Variants in KCNIP4 observed in about 807,000 individuals in gnomAD.
KCNIP4 encodes potassium voltage-gated channel interacting protein 4.
In KCNIP4, 12 loss-of-function variants were observed where a neutral mutation model predicts 34.0. The observed-to-expected ratio is 0.35, with a 90% confidence interval of 0.23 to 0.57. KCNIP4 has a LOEUF of 0.57. Among genes scored for constraint, KCNIP4 ranks in the 20% least tolerant of loss-of-function variants. The pLI, the probability that KCNIP4 is intolerant of heterozygous loss-of-function variation, is 0.83. For synonymous variants in KCNIP4, 124 were observed against 102.2 expected, an observed-to-expected ratio of 1.21 and a Z score of -1.29; for missense variants, 238 against 311.7, an observed-to-expected ratio of 0.76 and a Z score of 1.78.
At chr4:21,913,036 A>G (rs1728428484) in intron 1 of KCNIP4, among the ~76,000 whole-genome samples, 1 of 152,022 alleles carries the variant, frequency 6.6e-6, no homozygotes, top group Non-Finnish European at 1.5e-5. Context: ...TCATTTAGCA[A>G]AAACAATCAC....
chr4:21,337,453 G>A lies in KCNIP4; in HGVS notation c.62-454744C>T, dbSNP rs145125490. Among the ~76,000 whole-genome samples, 9 of 152,266 alleles carry A rather than the reference G, an allele frequency of 5.9e-5. No homozygotes were observed. In the East Asian group the frequency reaches 1.5e-3, roughly 26 times the overall value. On this transcript the variant is annotated intron_variant, in intron 1 of 8. Transcript: ENST00000382152. ...ATGGAAAGAAGCATTGCAGAAAAAAGAATGGAGTCTCCTTGCGTGCAAGCT... is the reference window on the plus strand; with the variant it reads ...ATGGAAAGAAGCATTGCAGAAAAAAAAATGGAGTCTCCTTGCGTGCAAGCT...
At chr4:21,496,834 T>A (rs932251013) in intron 1 of KCNIP4, among the ~76,000 whole-genome samples, 34 of 152,170 alleles carry the variant, frequency 2.2e-4, no homozygotes, top group African/African-American at 8.2e-4. Flanking sequence ...ATTCTCCTTA[T>A]AAGAATCTAA....
chr4:21,852,911 C>A (rs1372407692), intron 1 of KCNIP4: 2 of 152,076 alleles, frequency 1.3e-5, no homozygotes, highest in Non-Finnish European at 2.9e-5. Flanking sequence ...CCACAAAAAA[C>A]AAAAATGAAT....
intron 1 of KCNIP4, among the ~76,000 whole-genome samples, chr4:20,953,462 A>C (rs2149645117): frequency 6.6e-6 from 1 of 152,266 alleles, no homozygotes; most frequent in African/African-American, 2.4e-5. Flanking sequence ...TGGGCAGATC[A>C]CTTGAGCTCA....
intron 1 of KCNIP4, among the ~76,000 whole-genome samples, chr4:21,643,595 A>T (rs77397505): frequency 6.6e-6 from 1 of 152,184 alleles, no homozygotes; most frequent in Admixed American, 6.6e-5. Context: ...TGAGATTAAC[A>T]TTTAAATCAA....
At chr4:21,142,339 G>A (rs1406735622) in intron 1 of KCNIP4, among the ~76,000 whole-genome samples, 1 of 152,098 alleles carries the variant, frequency 6.6e-6, no homozygotes, top group Non-Finnish European at 1.5e-5. Flanking sequence ...AGATTCCAGT[G>A]AGAGGTGATG....
intron 1 of KCNIP4, among the ~76,000 whole-genome samples, chr4:21,467,343 A>C (rs1274163140): frequency 6.6e-6 from 1 of 152,116 alleles, no homozygotes; most frequent in Admixed American, 6.6e-5. Flanking sequence ...TATTTGAATG[A>C]TACGTGTTTC....
intron 1 of KCNIP4, among the ~76,000 whole-genome samples, chr4:21,337,964 T>C (rs2109339632): frequency 6.6e-6 from 1 of 152,320 alleles, no homozygotes; most frequent in South Asian, 2.1e-4. Context: ...GGCGGGCTGC[T>C]GAAGACCGGC....
intron 1 of KCNIP4, among the ~76,000 whole-genome samples, chr4:20,936,745 G>A (rs887119121): frequency 6.6e-6 from 1 of 152,068 alleles, no homozygotes; most frequent in Non-Finnish European, 1.5e-5. Context: ...CGTGCTTCTT[G>A]TTTATTTTTC....
chr4:20,891,358 G>C (rs1209492298), intron 1 of KCNIP4, among the ~76,000 whole-genome samples: 1 of 152,108 alleles, frequency 6.6e-6, no homozygotes, highest in East Asian at 1.9e-4. Context: ...TGTAATCCTA[G>C]CACTTTGGGA....
chr4:20,802,071 G>A (rs1024498565), intron 3 of KCNIP4, among the ~76,000 whole-genome samples: 1 of 146,994 alleles, frequency 6.8e-6, no homozygotes, highest in Non-Finnish European at 1.5e-5. Flanking sequence ...TGACAATCAA[G>A]AAGACTTAAA....
chr4:21,167,084 A>T (rs892880289), intron 1 of KCNIP4, among the ~76,000 whole-genome samples: 1 of 152,072 alleles, frequency 6.6e-6, no homozygotes, highest in Admixed American at 6.6e-5. Context: ...CAAAATAATT[A>T]TATATAAGAA....
chr4:21,525,853 T>C (rs1735928672), intron 1 of KCNIP4, among the ~76,000 whole-genome samples: 1 of 152,200 alleles, frequency 6.6e-6, no homozygotes, highest in South Asian at 2.1e-4. Flanking sequence ...AATTATTTCC[T>C]ATCTAATTTT....
intron 3 of KCNIP4, among the ~76,000 whole-genome samples, chr4:20,782,628 C>T (rs1424892755): frequency 1.3e-5 from 2 of 152,036 alleles, no homozygotes; most frequent in Non-Finnish European, 1.5e-5. Flanking sequence ...TGCAGGGCAC[C>T]AAGTCCCTAG....
At chr4:21,365,515 A>G (rs1011058220) in intron 1 of KCNIP4, among the ~76,000 whole-genome samples, 11 of 85,948 alleles carry the variant, frequency 1.3e-4, no homozygotes, top group Non-Finnish European at 2.0e-4. Context: ...ATAAATAAAT[A>G]AATAAATAAA....
chr4:21,943,498 C>T (rs1730315296), intron 1 of KCNIP4, among the ~76,000 whole-genome samples: 1 of 151,952 alleles, frequency 6.6e-6, no homozygotes, highest in African/African-American at 2.4e-5. Context: ...CATAATGGCA[C>T]CACTGCACTC....
At chr4:21,773,066 T>C (rs1718911952) in intron 1 of KCNIP4, among the ~76,000 whole-genome samples, 1 of 152,204 alleles carries the variant, frequency 6.6e-6, no homozygotes. Context: ...GTGCTGTAAA[T>C]TTCCCTCTTA....
chr4:21,843,972 TG>T (rs1430884641), intron 1 of KCNIP4: 1 of 152,092 alleles, frequency 6.6e-6, no homozygotes, highest in Non-Finnish European at 1.5e-5. Context: ...TTCCAACATT[TG>T]TTAATTGCCC....
intron 1 of KCNIP4, among the ~76,000 whole-genome samples, chr4:21,453,376 C>A (rs1728671888): frequency 6.6e-6 from 1 of 152,086 alleles, no homozygotes; most frequent in Non-Finnish European, 1.5e-5. Flanking sequence ...ATTCCTCCAG[C>A]AATCTTAAAA....
Sources: gnomAD v4.1 joint callset for allele counts (sites outside exome capture counted in the v4.1 genomes callset) on GRCh38, gnomAD v4.1.1 for gene constraint, MANE v1.5 for transcripts, NCBI Gene and HGNC (gene_info 2026-07-23, HGNC 2026-07-21) for gene names.